The following ATXN7L1 variants were observed in gnomAD, a reference collection of about 807,000 sequenced individuals.
ATXN7L1 encodes ataxin-7-like protein 1.
ATXN7L1 carries 15 observed loss-of-function variants against 70.8 expected under a neutral mutation model. The ratio of observed to expected loss-of-function variants is 0.21; its 90% CI spans 0.14 to 0.33. The LOEUF (loss-of-function observed/expected upper bound fraction) is 0.33, where lower values mean the gene tolerates loss of function less well. ATXN7L1 is among the 10% of genes least tolerant of loss of function. ATXN7L1 has a pLI of 1.00. For synonymous variants in ATXN7L1, 440 were observed against 445.1 expected, an observed-to-expected ratio of 0.99 and a Z score of 0.14; for missense variants, 975 against 1,097.1, an observed-to-expected ratio of 0.89 and a Z score of 1.57.
intron 3 of ATXN7L1, among the ~76,000 whole-genome samples, chr7:105,763,485 T>G (rs1481569231): frequency 6.6e-6 from 1 of 152,228 alleles, no homozygotes; most frequent in Non-Finnish European, 1.5e-5. Context: ...TGAGGCTGCC[T>G]CTTGTTTTTA....
intron 4 of ATXN7L1, among the ~76,000 whole-genome samples, chr7:105,663,544 C>A (rs1802042396): frequency 6.6e-6 from 1 of 152,138 alleles, no homozygotes; most frequent in Non-Finnish European, 1.5e-5. Context: ...TAGATGGACT[C>A]CACACTTATC....
At chr7:105,641,453 C>T (rs1162128267) in intron 5 of ATXN7L1, among the ~76,000 whole-genome samples, 2 of 151,796 alleles carry the variant, frequency 1.3e-5, no homozygotes, top group African/African-American at 4.8e-5. Context: ...GAAAGTGAGG[C>T]AGAAACAAGC....
chr7:105,766,717 C>T (rs1234636969), intron 3 of ATXN7L1, among the ~76,000 whole-genome samples: 1 of 152,154 alleles, frequency 6.6e-6, no homozygotes, highest in African/African-American at 2.4e-5. Flanking sequence ...GTTTGGACAC[C>T]CATATGCTGC....
At chr7:105,842,240 C>A (rs117423186) in intron 2 of ATXN7L1, among the ~76,000 whole-genome samples, 1,609 of 150,344 alleles carry the variant, frequency 0.011, 13 homozygotes, top group Non-Finnish European at 0.014. Flanking sequence ...ATTCATATAA[C>A]ACAAAATTAA....
intron 3 of ATXN7L1, among the ~76,000 whole-genome samples, chr7:105,676,990 C>T (rs889730457): frequency 2.6e-5 from 4 of 152,218 alleles, no homozygotes; most frequent in Non-Finnish European, 4.4e-5. Context: ...GCATCAGTGA[C>T]CTTTGCCCTG....
chr7:105,866,765 G>A (rs367782064), intron 2 of ATXN7L1, among the ~76,000 whole-genome samples: 62 of 152,288 alleles, frequency 4.1e-4, no homozygotes, highest in Middle Eastern at 6.8e-3. Flanking sequence ...TTCTGAAAAA[G>A]TAGAACCCAC....
chr7:105,875,825 C>T lies in ATXN7L1; in HGVS notation c.237G>A (p.Arg79=). The stretch of plus-strand genomic sequence containing the variant: ...AGCTCCACTTACCTTCTTTATTAAG[C>T]CTCATAACCTCCCTGCTTTTTCCAC... ...KEGGKSREVM[R]LNKEDMHLFG... is the part of the protein sequence containing the mutation. Residue 79 remains arginine, a synonymous_variant, in exon 2 of 12, where the codon AGG becomes AGA. Transcript: ENST00000419735. 1 of 1,613,598 alleles carries T rather than the reference C, an allele frequency of 6.2e-7. No homozygotes were observed. Among genetic ancestry groups the T allele is most frequent in the Non-Finnish European group, 8.5e-7 (1 of 1,179,652 alleles).
At chr7:105,857,819 C>T (rs1387563102) in intron 2 of ATXN7L1, among the ~76,000 whole-genome samples, 1 of 152,176 alleles carries the variant, frequency 6.6e-6, no homozygotes, top group Non-Finnish European at 1.5e-5. Context: ...TTGTGGTTTT[C>T]ACACTATACA....
chr7:105,604,900 T>A lies in ATXN7L1; in HGVS notation c.*2952A>T, dbSNP rs1325500124. ...ATAAGGTGTAAATAGAAAATTTCTT[T>A]TTTTCCTTTTTTAAAACAAGAGTTC... is the stretch of plus-strand genomic sequence containing the variant. On this transcript the variant is annotated 3_prime_UTR_variant, in exon 12 of 12. Coordinates refer to ENST00000419735, the MANE Select transcript of ATXN7L1 (RefSeq NM_020725.2). Among the ~76,000 whole-genome samples the A allele has an allele frequency of 6.6e-6, 1 of 152,106 alleles. No homozygotes were observed. Among genetic ancestry groups the A allele is most frequent in the African/African-American group, 2.4e-5 (1 of 41,412 alleles).
chr7:105,827,309 C>A (rs1450086459), intron 2 of ATXN7L1, among the ~76,000 whole-genome samples: 1 of 152,150 alleles, frequency 6.6e-6, no homozygotes, highest in African/African-American at 2.4e-5. Flanking sequence ...ACATTTAAAC[C>A]ATTCACTTAA....
At chr7:105,697,877 G>C (rs982492587) in intron 3 of ATXN7L1, among the ~76,000 whole-genome samples, 20 of 152,200 alleles carry the variant, frequency 1.3e-4, no homozygotes, top group Non-Finnish European at 2.6e-4. Flanking sequence ...AACAGCTGGG[G>C]CCCTGTGCCC....
chr7:105,646,177 G>A (rs1450928647), intron 4 of ATXN7L1, among the ~76,000 whole-genome samples: 5 of 152,074 alleles, frequency 3.3e-5, no homozygotes, highest in African/African-American at 1.2e-4. Context: ...GCCAGGCATG[G>A]TGGCATGTGC....
At chr7:105,815,792 A>T (rs993074806) in intron 2 of ATXN7L1, among the ~76,000 whole-genome samples, 9 of 152,206 alleles carry the variant, frequency 5.9e-5, no homozygotes, top group Admixed American at 4.6e-4. Flanking sequence ...TTGCCTAGGG[A>T]ATCACAAGTC....
At chr7:105,852,644 G>A (rs998063442) in intron 2 of ATXN7L1, among the ~76,000 whole-genome samples, 4 of 151,790 alleles carry the variant, frequency 2.6e-5, no homozygotes, top group Admixed American at 6.6e-5. Flanking sequence ...TGATGGAGAG[G>A]TGCACCTCGG....
intron 3 of ATXN7L1, among the ~76,000 whole-genome samples, chr7:105,774,872 G>C (rs180819103): frequency 6.6e-5 from 10 of 152,082 alleles, no homozygotes; most frequent in Non-Finnish European, 1.3e-4. Context: ...CCTAGAGAAG[G>C]CTTCGGAATT....
chr7:105,848,726 T>C (rs1258006916), intron 2 of ATXN7L1, among the ~76,000 whole-genome samples: 1 of 152,200 alleles, frequency 6.6e-6, no homozygotes, highest in Non-Finnish European at 1.5e-5. Context: ...CATATCACTT[T>C]TGCATGAAGA....
rs534011726 is a variant in ATXN7L1, at chr7:105,620,273, C to G, written c.1444G>C (p.Asp482His). The stretch of plus-strand genomic sequence containing the variant: ...AATCGAAAACGATCCCATCTTCTAT[C>G]AAACACATAGTACCCTCGTCCCATG... The part of the protein sequence containing the change: ...RLMGRGYYVF[D>H]RRWDRFRFAL... The change falls in exon 9 of 12, where the codon GAT becomes CAT. Residue 482 changes from aspartate to histidine, a missense_variant. Transcript: ENST00000419735. 1 of 1,551,474 alleles carries G rather than the reference C, an allele frequency of 6.4e-7. No homozygotes were observed. Among genetic ancestry groups the G allele is most frequent in the Non-Finnish European group, 8.7e-7 (1 of 1,146,830 alleles).
intron 4 of ATXN7L1, among the ~76,000 whole-genome samples, chr7:105,653,320 T>C (rs1000005540): frequency 2.0e-5 from 3 of 151,994 alleles, no homozygotes; most frequent in African/African-American, 7.2e-5. Flanking sequence ...TGGTGGTGTA[T>C]GCCGGTAATC....
chr7:105,752,092 T>C (rs1563064286), intron 3 of ATXN7L1, among the ~76,000 whole-genome samples: 1 of 152,332 alleles, frequency 6.6e-6, no homozygotes, highest in East Asian at 1.9e-4. Context: ...AAGGTGGTTG[T>C]TTTTGCATCT....
Sources: gnomAD v4.1 joint callset for allele counts (sites outside exome capture counted in the v4.1 genomes callset) on GRCh38, gnomAD v4.1.1 for gene constraint, MANE v1.5 for transcripts, NCBI Gene and HGNC (gene_info 2026-07-23, HGNC 2026-07-21) for gene names.